The following BACH2 variants were observed in gnomAD, a reference collection of about 807,000 sequenced individuals.
BACH2 encodes the protein BACH transcriptional regulator 2.
In BACH2, 5 loss-of-function variants were observed where a neutral mutation model predicts 61.8. That is an observed-to-expected ratio of 0.08 (90% CI 0.04 to 0.17). The LOEUF (loss-of-function observed/expected upper bound fraction) is 0.17. Ranked by LOEUF, BACH2 falls within the 10% of genes least tolerant of loss-of-function variation. The pLI, the probability that BACH2 is intolerant of heterozygous loss-of-function variation, is 1.00. For missense variants in BACH2, 824 were observed against 1,091.1 expected (o/e 0.76, Z 3.45); for synonymous variants, 446 against 440.1 (o/e 1.01, Z -0.17).
At chr6:90,092,952 T>G (rs1782235280) in intron 4 of BACH2, among the ~76,000 whole-genome samples, 1 of 152,194 alleles carries the variant, frequency 6.6e-6, no homozygotes, top group African/African-American at 2.4e-5. Flanking sequence ...AAAGGTAGCA[T>G]CCATCAATCT....
intron 4 of BACH2, among the ~76,000 whole-genome samples, chr6:90,195,559 T>C (rs928241942): frequency 6.6e-6 from 1 of 152,214 alleles, no homozygotes; most frequent in Non-Finnish European, 1.5e-5. Context: ...AATTCGTGAT[T>C]CAGCGGATTC....
At chr6:90,057,644 C>T (rs369300290) in intron 5 of BACH2, among the ~76,000 whole-genome samples, 130 of 152,224 alleles carry the variant, frequency 8.5e-4, no homozygotes, top group African/African-American at 2.6e-3. Flanking sequence ...ATCATCCTGA[C>T]ACCAAAGCCT....
At chr6:89,973,172 G>T (rs1256434704) in intron 6 of BACH2, among the ~76,000 whole-genome samples, 1 of 152,214 alleles carries the variant, frequency 6.6e-6, no homozygotes, top group Non-Finnish European at 1.5e-5. Flanking sequence ...CAGGCTGAGG[G>T]AAGGGGATCG....
chr6:90,190,107 C>CT (rs1768517762), intron 4 of BACH2, among the ~76,000 whole-genome samples: 1 of 152,132 alleles, frequency 6.6e-6, no homozygotes, highest in African/African-American at 2.4e-5. Context: ...CCACACTCGT[C>CT]TAACTTTTTG....
chr6:90,070,091 CA>C (rs1199009573), intron 5 of BACH2, among the ~76,000 whole-genome samples: 2 of 152,090 alleles, frequency 1.3e-5, no homozygotes, highest in Non-Finnish European at 2.9e-5. Flanking sequence ...AGTTCAAAGC[CA>C]CCTGCAAGGA....
intron 4 of BACH2, among the ~76,000 whole-genome samples, chr6:90,113,145 C>CAATAGTTGTGGG (rs1783248929): frequency 1.3e-5 from 2 of 152,228 alleles, no homozygotes; most frequent in South Asian, 4.1e-4. Flanking sequence ...GATTCCCACA[C>CAATAGTTGTGGG]AATAGTTGTG....
chr6:89,962,549 C>T (rs749354942), intron 6 of BACH2, among the ~76,000 whole-genome samples: 3 of 152,072 alleles, frequency 2.0e-5, no homozygotes, highest in South Asian at 4.1e-4. Context: ...CATAGTTGTT[C>T]GTGTTTTTCC....
At chr6:90,138,523 A>C (rs9444743) in intron 4 of BACH2, among the ~76,000 whole-genome samples, 3,691 of 152,188 alleles carry the variant, frequency 0.024, 142 homozygotes, top group African/African-American at 0.085. Context: ...AAATAAAATA[A>C]ACCAGCAGGG....
At chr6:90,211,149 A>AAAAT (rs1769333590) in intron 3 of BACH2, among the ~76,000 whole-genome samples, 1 of 149,452 alleles carries the variant, frequency 6.7e-6, no homozygotes, top group Non-Finnish European at 1.5e-5. Context: ...AAAAAAAAAA[A>AAAAT]GGCAGAGACA....
At chr6:90,040,816 ACTTTT>A (rs1249622745) in intron 5 of BACH2, among the ~76,000 whole-genome samples, 4 of 152,070 alleles carry the variant, frequency 2.6e-5, no homozygotes, top group African/African-American at 9.7e-5. Context: ...TTTTATTTGA[ACTTTT>A]CTTTTTTGCT....
intron 6 of BACH2, among the ~76,000 whole-genome samples, chr6:89,976,435 C>T (rs1173159553): frequency 6.6e-6 from 1 of 152,200 alleles, no homozygotes; most frequent in Non-Finnish European, 1.5e-5. Flanking sequence ...GTCTAAACTC[C>T]AAAACAAACT....
At chr6:90,284,175 T>A (rs947225510) in intron 1 of BACH2, among the ~76,000 whole-genome samples, 5 of 152,130 alleles carry the variant, frequency 3.3e-5, no homozygotes, top group African/African-American at 1.2e-4. Flanking sequence ...AAGATAGTGA[T>A]CTCTGATAGT....
intron 7 of BACH2, among the ~76,000 whole-genome samples, chr6:89,940,806 T>C (rs553643170): frequency 5.9e-5 from 9 of 151,950 alleles, no homozygotes; most frequent in African/African-American, 2.2e-4. Flanking sequence ...TAGATAAAAA[T>C]ACTTCCAACA....
At chr6:90,054,036 T>TA (rs1780190899) in intron 5 of BACH2, among the ~76,000 whole-genome samples, 1 of 152,168 alleles carries the variant, frequency 6.6e-6, no homozygotes, top group South Asian at 2.1e-4. Flanking sequence ...GCTCCCAGCG[T>TA]GAGCGATGCA....
In BACH2 at chr6:89,951,598, TCTC is replaced by T. The variant is rs746338770; in HGVS notation, c.505_507del (p.Glu169del). The T allele has an allele frequency of 3.1e-6, 5 of 1,613,996 alleles. No homozygotes were observed. Among genetic ancestry groups the T allele is most frequent in the East Asian group, 2.2e-5 (1 of 44,874 alleles). On this transcript the variant is annotated inframe_deletion, in exon 7 of 9. Transcript: ENST00000257749. The surrounding 1 kb of genome is among the most constrained non-coding windows in gnomAD (Gnocchi z 6.4). ...ATCTTGGCCGTCTCTGAATCCATCG[TCTC>T]CTCCTCTTCATCCTCCTCCTCTCCT...
chr6:90,028,106 A>G (rs1280037327), intron 5 of BACH2, among the ~76,000 whole-genome samples: 3 of 152,228 alleles, frequency 2.0e-5, no homozygotes, highest in Non-Finnish European at 4.4e-5. Flanking sequence ...GACACTATGT[A>G]GACTTCCTTC....
chr6:89,937,850 T>A (rs966694484), intron 8 of BACH2, among the ~76,000 whole-genome samples: 1 of 152,174 alleles, frequency 6.6e-6, no homozygotes, highest in Non-Finnish European at 1.5e-5. Flanking sequence ...TATTTTCACA[T>A]GTTGGATGGA....
At chr6:89,965,364 C>T (rs1167436185) in intron 6 of BACH2, among the ~76,000 whole-genome samples, 1 of 152,212 alleles carries the variant, frequency 6.6e-6, no homozygotes, top group Non-Finnish European at 1.5e-5. Flanking sequence ...TTTTACATTA[C>T]TCCTGCTTCA....
intron 6 of BACH2, among the ~76,000 whole-genome samples, chr6:90,002,279 G>A (rs1410749858): frequency 6.6e-6 from 1 of 152,106 alleles, no homozygotes; most frequent in Non-Finnish European, 1.5e-5. Flanking sequence ...GCTCAATCCT[G>A]GGACTTCTTT....
Sources: allele counts gnomAD v4.1 joint callset (sites outside exome capture counted in the v4.1 genomes callset), GRCh38; gene constraint gnomAD v4.1.1; non-coding constraint Gnocchi (gnomAD v3.1); transcripts MANE v1.5; gene names NCBI Gene and HGNC (gene_info 2026-07-23, HGNC 2026-07-21).